Variants in HMG20B observed in about 807,000 individuals in gnomAD.
The protein encoded by HMG20B is SWI/SNF-related matrix-associated actin-dependent regulator of chromatin subfamily E member 1-related.
A neutral mutation model predicts 41.6 loss-of-function variants in HMG20B; 24 were observed. The observed-to-expected ratio is 0.58, with a 90% CI of 0.42 to 0.81. The LOEUF is 0.81. Among genes scored for constraint, HMG20B ranks in the 30% least tolerant of loss-of-function variants. The pLI is 0.00. For missense variants in HMG20B, 461 were observed against 444.0 expected (o/e 1.04, Z -0.34); for synonymous variants, 251 against 186.6 (o/e 1.34, Z -2.81).
chr19:3,573,897 C>T, intron 3 of HMG20B, 97 bp downstream of exon 3: 6 of 1,146,854 alleles, frequency 5.2e-6, no homozygotes, highest in Non-Finnish European at 7.6e-6. Flanking sequence ...GTGGCTCCGC[C>T]CACAGCCCAT....
chr19:3,575,767 C>T (rs2032145159), intron 5 of HMG20B, 107 bp downstream of exon 5: 2 of 903,394 alleles, frequency 2.2e-6, no homozygotes, highest in Non-Finnish European at 3.3e-6. Flanking sequence ...CATAGTGAAA[C>T]CCTCCCCCTC....
intron 4 of HMG20B, 66 bp from the exon 5 acceptor site, chr19:3,575,474 T>C: frequency 6.5e-7 from 1 of 1,546,614 alleles, no homozygotes; most frequent in Non-Finnish European, 8.7e-7. Context: ...GAAAGCAGAG[T>C]GATAAAGACT....
At position 3,576,499 on chromosome 19, in the gene HMG20B, G is replaced by A. The variant is rs373156616; in HGVS notation, c.520-54G>A. 7 of 1,522,320 alleles carry A rather than the reference G, an allele frequency of 4.6e-6. No homozygotes were observed. In the East Asian group the frequency reaches 6.8e-5, roughly 15 times the overall value. The allele number at this position is 1,522,320 out of a possible 1,614,324, so 94.3% of individuals were successfully genotyped here. On this transcript the variant is annotated intron_variant, in intron 6 of 9. Coordinates refer to ENST00000333651, the MANE Select transcript of HMG20B (RefSeq NM_006339.3). The stretch of plus-strand genomic sequence containing the variant: ...CTCCTAGGCTTGGGGCACACCCAGA[G>A]AGCGTGGCTGCCTCCTACCACCAGT...
intron 4 of HMG20B, among the ~76,000 whole-genome samples, chr19:3,575,076 G>A (rs2032129023): frequency 6.6e-6 from 1 of 152,148 alleles, no homozygotes; most frequent in Admixed American, 6.6e-5. Flanking sequence ...AAAACTGGAT[G>A]ACCAACAAAG....
rs755505417 is a variant in HMG20B, at chr19:3,578,770, C to T, written c.*249C>T. 1.3e-6 allele frequency: 1 copy of T among 748,354 alleles called. No individual in the cohort carries two copies. Among genetic ancestry groups the T allele is most frequent in the Non-Finnish European group, 2.4e-6 (1 of 413,920 alleles). The allele number at this position is 748,354 out of a possible 1,614,324, so 46.4% of individuals were successfully genotyped here. The stretch of plus-strand genomic sequence containing the variant: ...AAGAACCTCACAGCCGAGGGTGCCC[C>T]TCCTCGGAGGACAGCCACGCGCTAC... On this transcript the variant is annotated 3_prime_UTR_variant, in exon 10 of 10. Transcript: ENST00000333651.
At chr19:3,577,811 C>T (rs1293965239) in intron 8 of HMG20B, among the ~76,000 whole-genome samples, 170 bp from the exon 9 acceptor site, 3 of 151,718 alleles carry the variant, frequency 2.0e-5, no homozygotes, top group Non-Finnish European at 4.4e-5. Context: ...TCCTCGCCAT[C>T]CTCCTGCCCC....
chr19:3,573,385 T>C, intron 2 of HMG20B, 38 bp downstream of exon 2: 2 of 1,499,872 alleles, frequency 1.3e-6, no homozygotes, highest in Non-Finnish European at 1.8e-6. Flanking sequence ...CCTCGCTACT[T>C]TCCCGGCTGC....
At chr19:3,577,936 G>A in intron 8 of HMG20B, 45 bp from the exon 9 acceptor site, 1 of 1,501,308 alleles carries the variant, frequency 6.7e-7, no homozygotes, top group Non-Finnish European at 8.9e-7. Flanking sequence ...CCCCCGCCCC[G>A]CGACTCCCCG....
At chr19:3,574,253 T>C (rs931018340) in intron 3 of HMG20B, 130 bp from the exon 4 acceptor site, 3 of 836,808 alleles carry the variant, frequency 3.6e-6, no homozygotes, top group Non-Finnish European at 5.7e-6. Flanking sequence ...CTCCATCTTT[T>C]CCGGGTTCTT....
chr19:3,577,154 C>A (rs1422140997), intron 8 of HMG20B, 47 bp downstream of exon 8: 22 of 1,274,560 alleles, frequency 1.7e-5, no homozygotes, highest in Non-Finnish European at 2.3e-5. Flanking sequence ...CACCCGGCCC[C>A]GCCCGCCTCC....
chr19:3,576,424 A>C, intron 6 of HMG20B, 117 bp downstream of exon 6: 3 of 1,334,834 alleles, frequency 2.2e-6, no homozygotes, highest in Non-Finnish European at 3.2e-6. Context: ...GTGCCACTGC[A>C]CCGTGGGATC....
intron 3 of HMG20B, chr19:3,574,067 G>A: frequency 1.5e-6 from 1 of 646,758 alleles, no homozygotes; most frequent in Non-Finnish European, 2.8e-6. Context: ...CCTCCCCTTG[G>A]TCCTGTGGGC....
chr19:3,575,470 A>C, intron 4 of HMG20B, 70 bp from the exon 5 acceptor site: 1 of 1,545,924 alleles, frequency 6.5e-7, no homozygotes, highest in Non-Finnish European at 8.7e-7. Flanking sequence ...CTGTGAAAGC[A>C]GAGTGATAAA....
chr19:3,578,142 C>T (rs1286124852), intron 9 of HMG20B, 29 bp downstream of exon 9: 47 of 1,603,314 alleles, frequency 2.9e-5, no homozygotes, highest in Non-Finnish European at 4.0e-5. Context: ...GGGGCGGGGC[C>T]GGGGTTCAAG....
At chr19:3,575,956 A>G (rs936987882) in intron 5 of HMG20B, 8 of 502,614 alleles carry the variant, frequency 1.6e-5, no homozygotes, top group African/African-American at 4.0e-5. Context: ...AAAAAAAAAA[A>G]AAAGAAAAAG....
At chr19:3,576,076 G>A in intron 5 of HMG20B, 185 bp from the exon 6 acceptor site, 1 of 623,164 alleles carries the variant, frequency 1.6e-6, no homozygotes, top group East Asian at 2.8e-5. Context: ...CCGTGGGTTG[G>A]GCGGGGGAAA....
intron 8 of HMG20B, among the ~76,000 whole-genome samples, 193 bp from the exon 9 acceptor site, chr19:3,577,788 C>T (rs1008297549): frequency 5.3e-5 from 8 of 151,618 alleles, no homozygotes; most frequent in African/African-American, 1.9e-4. Context: ...CCCGCGTCCC[C>T]ACCCTGTCCC....
chr19:3,576,984 A>T lies in HMG20B; in HGVS notation c.685A>T (p.Ser229Cys), dbSNP rs368229439. The change falls in exon 8 of 10, where the codon AGC (serine) becomes TGC (cysteine). Residue 229 changes from serine (S) to cysteine (C), a missense_variant. By Grantham distance (112) the Ser-to-Cys change is moderately radical (BLOSUM62 -1). Around this residue, in one of 3 missense-constraint regions of HMG20B, gnomAD observed 308 missense variants for 283.4 expected, o/e 1.09. Coordinates refer to ENST00000333651, the MANE Select transcript of HMG20B (RefSeq NM_006339.3). ...VLQRHTQSMSSARERLEQELA... is the reference protein window; with the variant it reads ...VLQRHTQSMSCARERLEQELA... ...GCAGAGGCACACGCAGAGCATGAGC[A>T]GCGCGCGCGAGCGTCTGGAGCAGGA... The T allele has an allele frequency of 1.3e-4, 201 of 1,566,732 alleles. 1 individual carries two copies. The highest frequency in any genetic ancestry group is 5.7e-4 in the Admixed American group (30 of 52,800).
In HMG20B at chr19:3,577,991, A is replaced by G; in HGVS notation, c.819A>G (p.Glu273=). 1 of 1,601,136 alleles carries G rather than the reference A, an allele frequency of 6.2e-7. No homozygotes were observed. Among genetic ancestry groups the G allele is most frequent in the Non-Finnish European group, 8.5e-7 (1 of 1,176,098 alleles). Residue 273 remains glutamate (E), a synonymous_variant, in exon 9 of 10, where the codon GAA becomes GAG. Transcript: ENST00000333651. ...CCGCCTGTCCCCCAGGCACGGGCGAAACGCCCACGCTGGGCACTCTGGACT... is the reference window on the plus strand; with the variant it reads ...CCGCCTGTCCCCCAGGCACGGGCGAGACGCCCACGCTGGGCACTCTGGACT... The part of the protein sequence containing the change: ...FASLPVPGTG[E]TPTLGTLDFY...
Sources: gnomAD v4.1 joint callset for allele counts (sites outside exome capture counted in the v4.1 genomes callset) on GRCh38, gnomAD v4.1.1 for gene constraint, gnomAD v4.1.1 regional missense constraint, MANE v1.5 for transcripts, NCBI Gene and HGNC (gene_info 2026-07-23, HGNC 2026-07-21) for gene names.